Variants in SRGAP3 observed in about 807,000 individuals in gnomAD.
SRGAP3 encodes the protein SLIT-ROBO Rho GTPase-activating protein 3.
SRGAP3 carries 39 observed loss-of-function variants against 121.1 expected under a neutral mutation model. The ratio of observed to expected loss-of-function variants is 0.32; its 90% confidence interval spans 0.25 to 0.42. The LOEUF (loss-of-function observed/expected upper bound fraction) is 0.42. Among genes scored for constraint, SRGAP3 ranks in the 10% least tolerant of loss-of-function variants. The probability of loss-of-function intolerance (pLI) is 1.00; values close to 1 mark genes in which losing one functional copy is unlikely to be tolerated. For synonymous variants in SRGAP3, 601 were observed against 570.0 expected, an observed-to-expected ratio of 1.05 and a Z score of -0.77; for missense variants, 1,213 against 1,470.6, an observed-to-expected ratio of 0.82 and a Z score of 2.86.
intron 3 of SRGAP3, among the ~76,000 whole-genome samples, chr3:9,274,435 C>A (rs1022566651): frequency 6.6e-6 from 1 of 152,130 alleles, no homozygotes; most frequent in Non-Finnish European, 1.5e-5. Context: ...GGTGCAGGAG[C>A]CAGGGCGAGT....
intron 3 of SRGAP3, among the ~76,000 whole-genome samples, chr3:9,268,988 C>T (rs555141057): frequency 6.6e-6 from 1 of 152,270 alleles, no homozygotes; most frequent in South Asian, 2.1e-4. Context: ...GGAGGCAGCA[C>T]CACAGAGTGG....
At chr3:9,311,624 A>G (rs943875414) in intron 3 of SRGAP3, among the ~76,000 whole-genome samples, 4 of 152,210 alleles carry the variant, frequency 2.6e-5, no homozygotes, top group Non-Finnish European at 5.9e-5. Context: ...TCATTTTCAC[A>G]TGTCACAAAA....
chr3:9,125,127 C>A, intron 1 of SRGAP3: 1 of 620,864 alleles, frequency 1.6e-6, no homozygotes, highest in Non-Finnish European at 2.8e-6. Context: ...TTGATCTAAC[C>A]AAAAGTTTCC....
chr3:9,229,917 G>A (rs1353779120), intron 1 of SRGAP3, among the ~76,000 whole-genome samples: 2 of 152,168 alleles, frequency 1.3e-5, no homozygotes, highest in African/African-American at 2.4e-5. Flanking sequence ...GGTTTATTGA[G>A]TATCTGCTAT....
chr3:9,182,411 A>G (rs1048130317), intron 1 of SRGAP3, among the ~76,000 whole-genome samples: 12 of 151,922 alleles, frequency 7.9e-5, no homozygotes, highest in African/African-American at 2.9e-4. Context: ...CAGCCATGGA[A>G]CCAAAGCGAG....
chr3:9,027,012 T>C lies in SRGAP3; in HGVS notation c.1540-17A>G, dbSNP rs763335704. 18 of 1,613,530 alleles carry C rather than the reference T, an allele frequency of 1.1e-5. No individual in the cohort carries two copies. In the African/African-American group the frequency reaches 1.9e-4, roughly 17 times the overall value. On this transcript the variant is annotated splice_polypyrimidine_tract_variant and intron_variant, in intron 12 of 21. Coordinates refer to ENST00000383836, the MANE Select transcript of SRGAP3 (RefSeq NM_014850.4). Reference sequence around the variant, plus strand: ...TCCTGAATCCTTGAGAAAAGAAAAATTGTGAGTTTTATGGGGCTTGACAAC... The same window carrying C: ...TCCTGAATCCTTGAGAAAAGAAAAACTGTGAGTTTTATGGGGCTTGACAAC...
chr3:9,145,297 T>C (rs1949987363), intron 1 of SRGAP3, among the ~76,000 whole-genome samples: 1 of 152,196 alleles, frequency 6.6e-6, no homozygotes, highest in Non-Finnish European at 1.5e-5. Flanking sequence ...GGTTTCGCCA[T>C]GTTGGCCAGG....
chr3:9,313,961 C>A (rs1440878187), intron 3 of SRGAP3, among the ~76,000 whole-genome samples: 3 of 152,198 alleles, frequency 2.0e-5, no homozygotes, highest in Non-Finnish European at 4.4e-5. Flanking sequence ...CCACTGCACT[C>A]CAGGCTAGAT....
intron 20 of SRGAP3, 126 bp from the exon 21 acceptor site, chr3:8,990,965 A>T (rs1942022860): frequency 1.3e-6 from 1 of 795,682 alleles, no homozygotes; most frequent in East Asian, 2.8e-5. Context: ...GTAAAGCCTC[A>T]TTCAGCCAGA....
At chr3:9,347,462 G>A (rs1575024660) in intron 1 of SRGAP3, among the ~76,000 whole-genome samples, 1 of 152,270 alleles carries the variant, frequency 6.6e-6, no homozygotes, top group East Asian at 1.9e-4. Flanking sequence ...TTAAATATCA[G>A]CAGGGCTACG....
At chr3:9,134,723 C>T (rs1949580009) in intron 1 of SRGAP3, among the ~76,000 whole-genome samples, 1 of 152,266 alleles carries the variant, frequency 6.6e-6, no homozygotes, top group Non-Finnish European at 1.5e-5. Flanking sequence ...CTCCTGTCTC[C>T]ACTCTCAGTG....
Position 9,297,642 on chromosome 3 carries a change from T to A in SRGAP3, n.442+28368A>T, listed in dbSNP as rs1359400002. On this transcript the variant is annotated intron_variant and non_coding_transcript_variant, in intron 3 of 3. Transcript: ENST00000490889. ...CAGGCACGGTGACCCACGCCTATAA[T>A]CCCAGCACTTTGGGAGCCCGAGGCA... is the stretch of plus-strand genomic sequence containing the variant. 2.0e-5 allele frequency among the ~76,000 whole-genome samples: 3 copies of A among 152,136 alleles called. No homozygotes were observed. The East Asian group carries it at 5.8e-4, about 29-fold the overall frequency.
intron 4 of SRGAP3, among the ~76,000 whole-genome samples, chr3:9,066,504 A>AT (rs1230640425): frequency 6.6e-6 from 1 of 151,930 alleles, no homozygotes; most frequent in Non-Finnish European, 1.5e-5. Context: ...CTGTGACTTT[A>AT]TTTTTTCTTT....
intron 1 of SRGAP3, among the ~76,000 whole-genome samples, chr3:9,174,483 A>G (rs1166964017): frequency 6.6e-6 from 1 of 152,240 alleles, no homozygotes; most frequent in Admixed American, 6.5e-5. Context: ...GTAGGGAAGG[A>G]GAGCAGGAGA....
intron 1 of SRGAP3, among the ~76,000 whole-genome samples, chr3:9,181,535 T>C (rs1298180660): frequency 6.6e-6 from 1 of 152,184 alleles, no homozygotes; most frequent in African/African-American, 2.4e-5. Context: ...CAGAATCAAA[T>C]TCCTTGCAGT....
At chr3:9,294,534 AAAAC>A (rs774500073) in intron 3 of SRGAP3, among the ~76,000 whole-genome samples, 4 of 97,342 alleles carry the variant, frequency 4.1e-5, no homozygotes, top group African/African-American at 1.3e-4. Flanking sequence ...TAAAAGTAAA[AAAAC>A]AAACAAACAA....
chr3:9,157,349 C>T (rs933608421), intron 1 of SRGAP3, among the ~76,000 whole-genome samples: 2 of 152,128 alleles, frequency 1.3e-5, no homozygotes, highest in African/African-American at 4.8e-5. Flanking sequence ...GAAATCCACC[C>T]CCATGATCCA....
chr3:9,130,466 T>C (rs1368730399), intron 1 of SRGAP3, among the ~76,000 whole-genome samples: 2 of 152,166 alleles, frequency 1.3e-5, no homozygotes, highest in African/African-American at 2.4e-5. Flanking sequence ...TGAGTGCTAC[T>C]AGTGTTTCTC....
intron 1 of SRGAP3, among the ~76,000 whole-genome samples, chr3:9,147,896 G>A (rs1950078791): frequency 6.6e-6 from 1 of 152,144 alleles, no homozygotes; most frequent in South Asian, 2.1e-4. Flanking sequence ...CCCTCAGATG[G>A]TGTCACCACA....
Sources: allele counts gnomAD v4.1 joint callset (sites outside exome capture counted in the v4.1 genomes callset), GRCh38; gene constraint gnomAD v4.1.1; transcripts MANE v1.5; gene names NCBI Gene and HGNC (gene_info 2026-07-23, HGNC 2026-07-21).